MBOAT2: variants seen among roughly 807,000 people sequenced by gnomAD.
MBOAT2 encodes membrane bound glycerophospholipid O-acyltransferase 2, also known as membrane-bound glycerophospholipid O-acyltransferase 2.
A neutral mutation model predicts 63.4 loss-of-function variants in MBOAT2; 28 were observed. That is an observed-to-expected ratio of 0.44 (90% confidence interval 0.33 to 0.61). MBOAT2 has a LOEUF of 0.61. MBOAT2 is among the 20% of genes least tolerant of loss of function. MBOAT2 has a pLI of 0.03. For missense variants in MBOAT2, 470 were observed against 605.8 expected (o/e 0.78, Z 2.35); for synonymous variants, 211 against 215.6 (o/e 0.98, Z 0.19).
At chr2:8,897,343 G>C (rs890595701) in intron 4 of MBOAT2, among the ~76,000 whole-genome samples, 7 of 150,560 alleles carry the variant, frequency 4.6e-5, no homozygotes, top group Admixed American at 2.0e-4. Flanking sequence ...CTTCCCCTTT[G>C]GATGGCTTCA....
At chr2:8,938,473 G>A (rs1200149147) in intron 3 of MBOAT2, among the ~76,000 whole-genome samples, 2 of 152,004 alleles carry the variant, frequency 1.3e-5, no homozygotes, top group Non-Finnish European at 2.9e-5. Flanking sequence ...GTTTCATGCT[G>A]CCGTGTTTCA....
At chr2:8,952,064 T>A (rs1465992702) in intron 2 of MBOAT2, among the ~76,000 whole-genome samples, 1 of 152,256 alleles carries the variant, frequency 6.6e-6, no homozygotes, top group Non-Finnish European at 1.5e-5. Flanking sequence ...TTTAACACTG[T>A]ATACTTTCCT....
At chr2:8,865,872 G>A (rs181472359) in intron 9 of MBOAT2, among the ~76,000 whole-genome samples, 186 of 152,216 alleles carry the variant, frequency 1.2e-3, no homozygotes, top group Middle Eastern at 6.8e-3. Flanking sequence ...AGCTGTCTCT[G>A]CTAAAAATAC....
intron 3 of MBOAT2, among the ~76,000 whole-genome samples, chr2:8,934,936 T>A (rs745622166): frequency 6.6e-6 from 1 of 152,188 alleles, no homozygotes; most frequent in South Asian, 2.1e-4. Flanking sequence ...GTTGAGGCAG[T>A]TCCTGATGAC....
intron 1 of MBOAT2, among the ~76,000 whole-genome samples, chr2:8,991,337 T>C (rs943555267): frequency 3.9e-5 from 6 of 152,158 alleles, no homozygotes; most frequent in Admixed American, 3.3e-4. Flanking sequence ...ATAATAGTAA[T>C]ACTGGATCTG....
chr2:8,863,114 T>G (rs759912299), intron 10 of MBOAT2, among the ~76,000 whole-genome samples: 6 of 152,214 alleles, frequency 3.9e-5, no homozygotes, highest in Admixed American at 6.5e-5. Context: ...GCAGATAGAC[T>G]GTGCTTAGTC....
intron 1 of MBOAT2, among the ~76,000 whole-genome samples, chr2:8,982,103 G>A (rs964607165): frequency 1.3e-5 from 2 of 152,060 alleles, no homozygotes; most frequent in South Asian, 2.1e-4. Context: ...GCTGCTGTCC[G>A]GATTAAGCGA....
At chr2:8,898,373 G>A (rs933507749) in intron 4 of MBOAT2, among the ~76,000 whole-genome samples, 8 of 152,130 alleles carry the variant, frequency 5.3e-5, no homozygotes, top group Non-Finnish European at 5.9e-5. Flanking sequence ...AAGAACCCCC[G>A]CAACTGTTTT....
At chr2:8,894,373 T>C (rs1664268010) in intron 4 of MBOAT2, among the ~76,000 whole-genome samples, 2 of 152,224 alleles carry the variant, frequency 1.3e-5, no homozygotes, top group South Asian at 2.1e-4. Flanking sequence ...ATGTTTCCTG[T>C]AATCAAACGT....
intron 3 of MBOAT2, among the ~76,000 whole-genome samples, chr2:8,934,866 T>C (rs1018102898): frequency 6.6e-6 from 1 of 152,212 alleles, no homozygotes; most frequent in Admixed American, 6.5e-5. Flanking sequence ...CATTTTCAAA[T>C]GACTTGAGCC....
intron 3 of MBOAT2, among the ~76,000 whole-genome samples, chr2:8,940,823 GTTCAGT>G: frequency 6.6e-6 from 1 of 152,090 alleles, no homozygotes; most frequent in Admixed American, 6.6e-5. Flanking sequence ...TTTAAAAACT[GTTCAGT>G]ACACAGATAA....
At chr2:8,917,799 C>G (rs956389877) in intron 3 of MBOAT2, among the ~76,000 whole-genome samples, 7 of 152,154 alleles carry the variant, frequency 4.6e-5, no homozygotes, top group Non-Finnish European at 1.0e-4. Context: ...AAGTTTTACT[C>G]CTAATAGCCC....
chr2:8,953,667 T>A (rs1258206195), intron 2 of MBOAT2, among the ~76,000 whole-genome samples: 1 of 152,218 alleles, frequency 6.6e-6, no homozygotes, highest in Non-Finnish European at 1.5e-5. Context: ...TCTGATTGGG[T>A]TAGTTCCAAA....
chr2:8,927,250 T>C (rs1252238683), intron 3 of MBOAT2, among the ~76,000 whole-genome samples: 1 of 152,180 alleles, frequency 6.6e-6, no homozygotes, highest in African/African-American at 2.4e-5. Flanking sequence ...CTTCTTTTTC[T>C]TCCTTTCTGT....
intron 3 of MBOAT2, among the ~76,000 whole-genome samples, chr2:8,916,070 C>T (rs759731921): frequency 1.3e-5 from 2 of 152,164 alleles, no homozygotes; most frequent in Admixed American, 6.5e-5. Context: ...TTGCTGTTGG[C>T]ACGTCTACAT....
chr2:8,861,814 G>C (rs752804948), intron 11 of MBOAT2, among the ~76,000 whole-genome samples: 1 of 152,084 alleles, frequency 6.6e-6, no homozygotes, highest in Non-Finnish European at 1.5e-5. Flanking sequence ...CATGCATAAG[G>C]TATGTACACA....
At chr2:8,895,390 G>T (rs1054575269) in intron 4 of MBOAT2, among the ~76,000 whole-genome samples, 2 of 152,176 alleles carry the variant, frequency 1.3e-5, no homozygotes, top group African/African-American at 2.4e-5. Flanking sequence ...GTGCTGACTG[G>T]TGTGTTTACA....
At chr2:8,947,165 G>C (rs955901130) in intron 2 of MBOAT2, among the ~76,000 whole-genome samples, 14 of 152,360 alleles carry the variant, frequency 9.2e-5, no homozygotes, top group African/African-American at 3.1e-4. Flanking sequence ...CTGGACAGAA[G>C]CTCAAACCAG....
intron 1 of MBOAT2, among the ~76,000 whole-genome samples, chr2:8,985,018 T>C (rs906261761): frequency 1.1e-4 from 16 of 152,014 alleles, no homozygotes; most frequent in Non-Finnish European, 2.4e-4. Flanking sequence ...GGCCTCCCAC[T>C]CCTGACTAGT....
Sources: allele counts gnomAD v4.1 joint callset (sites outside exome capture counted in the v4.1 genomes callset), GRCh38; gene constraint gnomAD v4.1.1; transcripts MANE v1.5; gene names NCBI Gene and HGNC (gene_info 2026-07-23, HGNC 2026-07-21).